The following PXK variants were observed in gnomAD, a reference collection of about 807,000 sequenced individuals.
PXK encodes the protein PX domain-containing protein kinase-like protein.
Under a neutral mutation model 84.7 loss-of-function variants are expected in PXK, and 35 were observed. The observed-to-expected ratio is 0.41, with a 90% CI of 0.32 to 0.55. The LOEUF is 0.55. Among genes scored for constraint, PXK ranks in the 20% least tolerant of loss-of-function variants. The pLI, the probability that PXK is intolerant of heterozygous loss-of-function variation, is 0.21. For synonymous variants in PXK, 253 were observed against 260.8 expected (o/e 0.97, Z 0.29); for missense variants, 634 against 699.7 (o/e 0.91, Z 1.06).
intron 17 of PXK, among the ~76,000 whole-genome samples, chr3:58,424,374 A>G (rs1409285147): frequency 6.6e-6 from 1 of 152,218 alleles, no homozygotes; most frequent in African/African-American, 2.4e-5. Context: ...CTAGCTCAGA[A>G]GCAGACAGAG....
chr3:58,367,314 C>T lies in PXK; in HGVS notation c.153+1390C>T, dbSNP rs549736098. On this transcript the variant is annotated intron_variant, in intron 2 of 17. Coordinates refer to ENST00000356151, the MANE Select transcript of PXK (RefSeq NM_017771.5). ...GGCTGCAGTGCAGTGGCACGATCTT[C>T]GCTCACTGCAAACTCCGCCTCCTGG... 1.6e-4 allele frequency among the ~76,000 whole-genome samples: 24 copies of T among 151,478 alleles called. No homozygotes were observed. In the South Asian group the frequency reaches 4.2e-3, roughly 26 times the overall value.
chr3:58,341,156 A>G (rs2097723054), intron 1 of PXK, among the ~76,000 whole-genome samples: 1 of 152,160 alleles, frequency 6.6e-6, no homozygotes, highest in Non-Finnish European at 1.5e-5. Context: ...TTTGGTAAAT[A>G]CTTGGACCTC....
At chr3:58,393,833 T>C (rs6445977) in intron 7 of PXK, among the ~76,000 whole-genome samples, 44,611 of 152,070 alleles carry the variant, frequency 0.29, 7,325 homozygotes, top group Middle Eastern at 0.39. Context: ...ATTCCTTCCG[T>C]ATTTACTTAT....
rs4681851 is a variant in PXK at position 58,410,164 on chromosome 3, C to G, written c.1465+5C>G. The G allele has an allele frequency of 0.15, 239,688 of 1,569,252 alleles. 18,683 individuals are homozygous for G. The highest frequency in any genetic ancestry group is 0.21 in the East Asian group (9,265 of 44,732). On this transcript the variant is annotated splice_donor_5th_base_variant and intron_variant, in intron 16 of 17. Transcript: ENST00000356151. ...ACAGCAACTCCAATAATTCAGGTAACTGGTTATAGATGGTAGTGGGGCCCA... is the reference window on the plus strand; with the variant it reads ...ACAGCAACTCCAATAATTCAGGTAAGTGGTTATAGATGGTAGTGGGGCCCA...
At chr3:58,352,442 G>A (rs553998338) in intron 1 of PXK, among the ~76,000 whole-genome samples, 12 of 152,306 alleles carry the variant, frequency 7.9e-5, no homozygotes, top group Non-Finnish European at 1.3e-4. Context: ...AACATGTAGT[G>A]GGTAGTTCTC....
intron 1 of PXK, among the ~76,000 whole-genome samples, chr3:58,335,058 TGG>T (rs1380914383): frequency 7.6e-5 from 10 of 131,950 alleles, no homozygotes; most frequent in African/African-American, 2.6e-4. Context: ...TGTGTGTGTG[TGG>T]AGACAGCGTC....
intron 16 of PXK, 121 bp downstream of exon 16, chr3:58,410,280 G>T: frequency 3.0e-6 from 2 of 669,862 alleles, no homozygotes; most frequent in Non-Finnish European, 5.3e-6. Flanking sequence ...AATGACTACA[G>T]AGAACAAAAT....
chr3:58,340,103 C>A (rs912479990), intron 1 of PXK, among the ~76,000 whole-genome samples: 7 of 151,014 alleles, frequency 4.6e-5, no homozygotes, highest in Non-Finnish European at 1.0e-4. Context: ...CAGGCCCCAG[C>A]CACTGCGCCT....
rs1560110544 is a variant in PXK at position 58,409,564 on chromosome 3, G to C, written c.1341G>C (p.Gln447His). 6.2e-7 allele frequency: 1 copy of C among 1,613,800 alleles called. No homozygotes were observed. Among genetic ancestry groups the C allele is most frequent in the Non-Finnish European group, 8.5e-7 (1 of 1,179,958 alleles). Residue 447 changes from glutamine (Q) to histidine (H), a missense_variant, in exon 15 of 18, where the codon CAG becomes CAC. Physicochemically the swap from Gln to His is conservative, Grantham distance 24. Coordinates refer to ENST00000356151, the MANE Select transcript of PXK (RefSeq NM_017771.5). This position sits in a 1 kb window ranked among gnomAD's most constrained non-coding sequence, Gnocchi z 4.2. ...IHQHRRLTRA[Q>H]SHHGSEEERK... ...AGCATCGAAGACTGACAAGAGCTCA[G>C]TCCCACCATGGATCTGAGGAGGAAA...
chr3:58,409,144 T>A lies in PXK; in HGVS notation c.1308+143T>A. Reference sequence around the variant, plus strand: ...CCAGCCTTTAGGCTAAATGCTTCCCTGCAGAGCTGAATACTTGACAGTCCT... The same window carrying A: ...CCAGCCTTTAGGCTAAATGCTTCCCAGCAGAGCTGAATACTTGACAGTCCT... On this transcript the variant is annotated intron_variant, in intron 14 of 17. Coordinates refer to ENST00000356151, the MANE Select transcript of PXK (RefSeq NM_017771.5). The surrounding 1 kb of genome is among the most constrained non-coding windows in gnomAD (Gnocchi z 4.2). The A allele has an allele frequency of 1.5e-6, 1 of 663,002 alleles. No individual in the cohort carries two copies. The highest frequency in any genetic ancestry group is 2.7e-5 in the East Asian group (1 of 36,456). The allele number at this position is 663,002 out of a possible 1,614,324, so 41.1% of individuals were successfully genotyped here. A position where few individuals can be genotyped will look rare whatever the true frequency, so the allele number is the denominator to read the frequency against.
chr3:58,403,858 A>G lies in PXK; in HGVS notation c.1182-4A>G. On this transcript the variant is annotated splice_polypyrimidine_tract_variant and splice_region_variant and intron_variant, in intron 12 of 17. Transcript: ENST00000356151. ...AGATTTTTGTTTGTTTCTTTTCTTTACAGATTATTCAGCGATGTTTTACTA... is the reference window on the plus strand; with the variant it reads ...AGATTTTTGTTTGTTTCTTTTCTTTGCAGATTATTCAGCGATGTTTTACTA... 1 of 1,539,020 alleles carries G rather than the reference A, an allele frequency of 6.5e-7. No homozygotes were observed. The highest frequency in any genetic ancestry group is 8.8e-7 in the Non-Finnish European group (1 of 1,131,750).
chr3:58,367,259 T>C (rs1225863021), intron 2 of PXK, among the ~76,000 whole-genome samples: 1 of 152,076 alleles, frequency 6.6e-6, no homozygotes, highest in African/African-American at 2.4e-5. Flanking sequence ...CTTTTTTTTT[T>C]TTTGAGACGG....
chr3:58,385,120 T>C lies in PXK; in HGVS notation c.388+2420T>C, dbSNP rs755586659. On this transcript the variant is annotated intron_variant, in intron 4 of 17. Coordinates refer to ENST00000356151, the MANE Select transcript of PXK (RefSeq NM_017771.5). This position sits in a 1 kb window ranked among gnomAD's most constrained non-coding sequence, Gnocchi z 5.1. ...ACATGCTGTTGTTGTCTTTGATCTC[T>C]ACTCCCCCTCCCCACCCCCAGGCCT... Among the ~76,000 whole-genome samples the C allele has an allele frequency of 1.3e-5, 2 of 152,176 alleles. No homozygotes were observed. The highest frequency in any genetic ancestry group is 1.5e-5 in the Non-Finnish European group (1 of 68,034).
intron 17 of PXK, among the ~76,000 whole-genome samples, chr3:58,424,236 T>C (rs1486096666): frequency 6.6e-6 from 1 of 152,214 alleles, no homozygotes; most frequent in Non-Finnish European, 1.5e-5. Context: ...GAGTGGTCTG[T>C]CATTTTACAT....
intron 17 of PXK, chr3:58,422,502 T>C: frequency 1.0e-6 from 1 of 985,370 alleles, no homozygotes. Flanking sequence ...GGACAGTGTA[T>C]TTATTGACAC....
At position 58,416,735 on chromosome 3, in the gene PXK, C is replaced by T. The variant is rs2061022079; in HGVS notation, c.1528+3772C>T. 6.6e-6 allele frequency among the ~76,000 whole-genome samples: 1 copy of T among 152,048 alleles called. No individual in the cohort carries two copies. Among genetic ancestry groups the T allele is most frequent in the Non-Finnish European group, 1.5e-5 (1 of 68,004 alleles). The stretch of plus-strand genomic sequence containing the variant: ...TCCTGGGTTCAAGCGATTTTTATGC[C>T]TCAGCCTCCCAAGTAGCTGGGATTA... On this transcript the variant is annotated intron_variant, in intron 17 of 17. Transcript: ENST00000356151. The surrounding 1 kb of genome is among the most constrained non-coding windows in gnomAD (Gnocchi z 4.8).
At chr3:58,362,408 C>T (rs75084783) in intron 1 of PXK, among the ~76,000 whole-genome samples, 2,155 of 152,214 alleles carry the variant, frequency 0.014, 63 homozygotes, top group African/African-American at 0.049. Context: ...GGTTGAGGTT[C>T]ATTTCATTGC....
At chr3:58,418,401 C>T (rs753984638) in intron 17 of PXK, among the ~76,000 whole-genome samples, 2 of 152,118 alleles carry the variant, frequency 1.3e-5, no homozygotes, top group African/African-American at 2.4e-5. Flanking sequence ...GTGCTAGAGC[C>T]AGGAGTGTAA....
Position 58,412,132 on chromosome 3 carries a change from A to T in PXK, c.1466-769A>T. 6.6e-6 allele frequency among the ~76,000 whole-genome samples: 1 copy of T among 152,086 alleles called. No individual in the cohort carries two copies. The highest frequency in any genetic ancestry group is 1.9e-4 in the East Asian group (1 of 5,188). On this transcript the variant is annotated intron_variant, in intron 16 of 17. Transcript: ENST00000356151. This position sits in a 1 kb window ranked among gnomAD's most constrained non-coding sequence, Gnocchi z 6.2. ...GAGATTTGGTTAACCTCTCCATAGGATCTCTATGTGTGGGAGGGGGGTTTC... is the reference window on the plus strand; with the variant it reads ...GAGATTTGGTTAACCTCTCCATAGGTTCTCTATGTGTGGGAGGGGGGTTTC...
Sources: allele counts gnomAD v4.1 joint callset (sites outside exome capture counted in the v4.1 genomes callset), GRCh38; gene constraint gnomAD v4.1.1; non-coding constraint Gnocchi (gnomAD v3.1); transcripts MANE v1.5; gene names NCBI Gene and HGNC (gene_info 2026-07-23, HGNC 2026-07-21).